The following FGF14 variants were observed in gnomAD, a reference collection of about 807,000 sequenced individuals.
FGF14 encodes the protein fibroblast growth factor homologous factor 4.
In FGF14, 5 loss-of-function variants were observed where a neutral mutation model predicts 25.5. The ratio of observed to expected loss-of-function variants is 0.20; its 90% CI spans 0.10 to 0.41. The LOEUF is 0.41. FGF14 is among the 10% of genes least tolerant of loss of function. The probability of loss-of-function intolerance (pLI) is 1.00; values close to 1 mark genes in which losing one functional copy is unlikely to be tolerated. For missense variants in FGF14, 222 were observed against 320.1 expected (o/e 0.69, Z 2.34); for synonymous variants, 138 against 118.3 (o/e 1.17, Z -1.08).
At chr13:102,128,707 G>A (rs1479197199) in intron 1 of FGF14, among the ~76,000 whole-genome samples, 1 of 152,208 alleles carries the variant, frequency 6.6e-6, no homozygotes, top group Non-Finnish European at 1.5e-5. Context: ...GTCTTCTGAA[G>A]AGAAGTGATT....
intron 3 of FGF14, among the ~76,000 whole-genome samples, chr13:101,766,774 A>G (rs1013857669): frequency 4.6e-5 from 7 of 152,260 alleles, no homozygotes; most frequent in African/African-American, 1.7e-4. Context: ...AAGAGGAGAC[A>G]CATGGGGCAA....
At chr13:101,802,111 T>C in intron 3 of FGF14, 1 of 257,982 alleles carries the variant, frequency 3.9e-6, no homozygotes, top group South Asian at 4.7e-5. Flanking sequence ...TGAACGATTA[T>C]GACCAGCTCA....
intron 1 of FGF14, among the ~76,000 whole-genome samples, chr13:102,143,424 C>T (rs1266931951): frequency 6.6e-6 from 1 of 152,132 alleles, no homozygotes; most frequent in African/African-American, 2.4e-5. Flanking sequence ...ACATATAAAA[C>T]TTCCTAATTA....
At chr13:102,401,635 A>G in exon 1 of FGF14, 1 of 1,614,152 alleles carries the variant, frequency 6.2e-7, no homozygotes, top group Non-Finnish European at 8.5e-7. Context: ...GCATAATAAT[A>G]ATTTGAAATC....
chr13:102,305,706 C>CT (rs1237295168), intron 1 of FGF14, among the ~76,000 whole-genome samples: 1 of 152,124 alleles, frequency 6.6e-6, no homozygotes, highest in African/African-American at 2.4e-5. Context: ...TGACATCCTC[C>CT]TTGGAGTGAT....
intron 1 of FGF14, among the ~76,000 whole-genome samples, chr13:102,375,486 C>A (rs1053746389): frequency 6.6e-6 from 1 of 151,994 alleles, no homozygotes. Context: ...TATTTAATAA[C>A]GTTGTAGAAG....
intron 1 of FGF14, among the ~76,000 whole-genome samples, chr13:102,360,364 A>G (rs1198570209): frequency 6.6e-6 from 1 of 152,192 alleles, no homozygotes; most frequent in African/African-American, 2.4e-5. Flanking sequence ...TGTGCTACTT[A>G]TATCTGCTCA....
intron 1 of FGF14, among the ~76,000 whole-genome samples, chr13:101,908,316 C>G (rs1464838142): frequency 6.6e-6 from 1 of 152,160 alleles, no homozygotes; most frequent in African/African-American, 2.4e-5. Context: ...CAGCCCCACT[C>G]TTCAAAGCTA....
intron 3 of FGF14, among the ~76,000 whole-genome samples, chr13:101,812,611 C>CTATATA (rs35878751): frequency 1.6e-4 from 2 of 12,376 alleles, no homozygotes; most frequent in African/African-American, 3.1e-4. Context: ...ATTTTTAAAA[C>CTATATA]TATATATATA....
At chr13:102,186,960 C>T (rs2048902556) in intron 1 of FGF14, among the ~76,000 whole-genome samples, 1 of 152,096 alleles carries the variant, frequency 6.6e-6, no homozygotes, top group East Asian at 1.9e-4. Context: ...ATCAGAGTTA[C>T]ATACATAATC....
intron 1 of FGF14, among the ~76,000 whole-genome samples, chr13:101,892,933 T>G (rs1315391602): frequency 6.6e-6 from 1 of 152,162 alleles, no homozygotes; most frequent in Non-Finnish European, 1.5e-5. Context: ...AATTGCATCC[T>G]AAGAATATTT....
intron 1 of FGF14, among the ~76,000 whole-genome samples, chr13:102,087,394 T>G: frequency 7.2e-6 from 1 of 138,000 alleles, no homozygotes; most frequent in South Asian, 2.3e-4. Context: ...TAGTAAAAAA[T>G]AGACTGTAAT....
chr13:102,111,980 T>C (rs1345923076), intron 1 of FGF14, among the ~76,000 whole-genome samples: 1 of 152,206 alleles, frequency 6.6e-6, no homozygotes, highest in Non-Finnish European at 1.5e-5. Flanking sequence ...ATTCTCATGT[T>C]ATCCTCAGTT....
chr13:101,794,723 C>T (rs1594274148), intron 3 of FGF14, among the ~76,000 whole-genome samples: 1 of 152,096 alleles, frequency 6.6e-6, no homozygotes, highest in Non-Finnish European at 1.5e-5. Flanking sequence ...ACAAAGCCAT[C>T]TCTAGCAATT....
At chr13:101,842,683 C>T (rs1033134382) in intron 3 of FGF14, among the ~76,000 whole-genome samples, 17 of 151,936 alleles carry the variant, frequency 1.1e-4, no homozygotes, top group Non-Finnish European at 2.2e-4. Context: ...AGAGAACAGA[C>T]GTGAGGCCAG....
intron 1 of FGF14, among the ~76,000 whole-genome samples, chr13:102,365,929 T>C (rs573422934): frequency 1.0e-3 from 156 of 152,306 alleles, no homozygotes; most frequent in African/African-American, 3.6e-3. Context: ...CCAACAATAA[T>C]ATGTTGTTTG....
At chr13:101,938,610 G>C (rs551399648) in intron 1 of FGF14, among the ~76,000 whole-genome samples, 1 of 152,270 alleles carries the variant, frequency 6.6e-6, no homozygotes, top group East Asian at 1.9e-4. Context: ...AATTAATGAG[G>C]ATTATACAAC....
intron 1 of FGF14, among the ~76,000 whole-genome samples, chr13:102,133,745 TTTTA>T (rs1170257684): frequency 1.2e-4 from 19 of 152,236 alleles, no homozygotes; most frequent in Non-Finnish European, 1.2e-4. Flanking sequence ...ATGTTTTAGC[TTTTA>T]TTTGTCATAC....
chr13:101,850,277 T>G (rs1478896532), intron 3 of FGF14, among the ~76,000 whole-genome samples: 1 of 35,614 alleles, frequency 2.8e-5, no homozygotes, highest in African/African-American at 1.0e-4. Flanking sequence ...CTACTAAAAA[T>G]CCAAAAAAAA....
Sources: allele counts gnomAD v4.1 joint callset (sites outside exome capture counted in the v4.1 genomes callset), GRCh38; gene constraint gnomAD v4.1.1; transcripts MANE v1.5; gene names NCBI Gene and HGNC (gene_info 2026-07-23, HGNC 2026-07-21).